STKLD1: variants seen among roughly 807,000 people sequenced by gnomAD.
STKLD1 encodes serine/threonine kinase-like domain-containing protein STKLD1.
In STKLD1, 79 loss-of-function variants were observed where a neutral mutation model predicts 80.4. That is an observed-to-expected ratio of 0.98 (90% confidence interval 0.82 to 1.19). The LOEUF (loss-of-function observed/expected upper bound fraction) is 1.19. Among genes scored for constraint, STKLD1 ranks in the 50% most tolerant of loss-of-function variants. STKLD1 has a pLI of 0.00. For synonymous variants in STKLD1, 393 were observed against 357.6 expected, an observed-to-expected ratio of 1.10 and a Z score of -1.12; for missense variants, 841 against 856.0, an observed-to-expected ratio of 0.98 and a Z score of 0.22.
chr9:133,387,930 C>T, intron 5 of STKLD1: 1 of 449,454 alleles, frequency 2.2e-6, no homozygotes, highest in Non-Finnish European at 4.5e-6. Context: ...CTGCTGCATG[C>T]ACCAGCAAAT....
intron 8 of STKLD1, 80 bp from the exon 9 acceptor site, chr9:133,395,520 C>A: frequency 6.8e-7 from 1 of 1,478,682 alleles, no homozygotes; most frequent in Non-Finnish European, 9.1e-7. Context: ...TTTCTTGGTC[C>A]CTGGTCGTCC....
intron 17 of STKLD1, 67 bp from the exon 18 acceptor site, chr9:133,405,185 T>C: frequency 6.6e-7 from 1 of 1,524,172 alleles, no homozygotes; most frequent in Non-Finnish European, 8.8e-7. Context: ...ACTCTCATCC[T>C]TCTGGGGCTT....
At position 133,401,188 on chromosome 9, in the gene STKLD1, G is replaced by A. The variant is rs587659852; in HGVS notation, c.1199-550G>A. Among the ~76,000 whole-genome samples, 74 of 148,138 alleles carry A rather than the reference G, an allele frequency of 5.0e-4. 1 individual carries two copies. Among genetic ancestry groups the A allele is most frequent in the Middle Eastern group, 6.9e-3 (2 of 288 alleles). ...ATGGAGTTTTGCTCGTCACCCAGGC[G>A]AGTGCAGTGGCGCACTCTCGGCTCA... On this transcript the variant is annotated intron_variant, in intron 12 of 17. Transcript: ENST00000371957.
chr9:133,401,295 C>T (rs1427348302), intron 12 of STKLD1, among the ~76,000 whole-genome samples: 8 of 152,180 alleles, frequency 5.3e-5, no homozygotes, highest in African/African-American at 1.4e-4. Context: ...CCCACCACCA[C>T]GCCTGGCTAA....
In STKLD1 at chr9:133,385,796, G is replaced by T. The variant is rs1044612965; in HGVS notation, c.294+105G>T. 2.5e-4 allele frequency: 264 copies of T among 1,048,824 alleles called. 2 individuals carry two copies. Among genetic ancestry groups the T allele is most frequent in the Admixed American group, 8.8e-4 (46 of 52,396 alleles). The allele number at this position is 1,048,824 out of a possible 1,614,324, so 65.0% of individuals were successfully genotyped here. On this transcript the variant is annotated intron_variant, in intron 4 of 17. Transcript: ENST00000371957. The surrounding 1 kb of genome is among the most constrained non-coding windows in gnomAD (Gnocchi z 4.9). ...CCACCCCCCACTGTCAGAATAGCTC[G>T]TGTGGCAATGGCAGTGACTGTAAAC...
rs1554777732 is a variant in STKLD1 at position 133,401,854 on chromosome 9, C to T, written c.1315C>T (p.Leu439=). 1 of 1,613,548 alleles carries T rather than the reference C, an allele frequency of 6.2e-7. No individual in the cohort carries two copies. The highest frequency in any genetic ancestry group is 1.6e-4 in the Middle Eastern group (1 of 6,062). Residue 439 remains leucine (L), a synonymous_variant, in exon 13 of 18, where the codon CTG becomes TTG. Coordinates refer to ENST00000371957, the MANE Select transcript of STKLD1 (RefSeq NM_153710.5). The stretch of plus-strand genomic sequence containing the variant: ...GCCACTTCTTGTCATGGTCTACAGC[C>T]TGCTAGCCATCACCACAACCCAGGG... ...EEPLLVMVYS[L]LAITTTQESE...
chr9:133,388,503 T>C (rs1046745093), intron 5 of STKLD1, among the ~76,000 whole-genome samples: 2 of 152,150 alleles, frequency 1.3e-5, no homozygotes, highest in Non-Finnish European at 2.9e-5. Context: ...CGCCTCGGCC[T>C]CCCAGAGTGC....
At position 133,384,152 on chromosome 9, in the gene STKLD1, T is replaced by C; in HGVS notation, c.219+252T>C. The C allele has an allele frequency of 2.1e-6, 1 of 481,650 alleles. No homozygotes were observed. Among genetic ancestry groups the C allele is most frequent in the Non-Finnish European group, 3.7e-6 (1 of 267,412 alleles). The allele number at this position is 481,650 out of a possible 1,614,324, so 29.8% of individuals were successfully genotyped here. A position where few individuals can be genotyped will look rare whatever the true frequency, so the allele number is the denominator to read the frequency against. ...GTTCCCAGAGAACATAAAATTTAAATATTGGGCTGGGCACGGTGGCTCACA... is the reference window on the plus strand; with the variant it reads ...GTTCCCAGAGAACATAAAATTTAAACATTGGGCTGGGCACGGTGGCTCACA... On this transcript the variant is annotated intron_variant, in intron 3 of 17. Coordinates refer to ENST00000371957, the MANE Select transcript of STKLD1 (RefSeq NM_153710.5). The surrounding 1 kb of genome is among the most constrained non-coding windows in gnomAD (Gnocchi z 4.3).
At chr9:133,396,101 T>C (rs913876500) in intron 9 of STKLD1, 5 of 186,998 alleles carry the variant, frequency 2.7e-5, no homozygotes, top group African/African-American at 1.2e-4. Flanking sequence ...CTTTAAATTT[T>C]TCATTCTAAC....
At position 133,394,416 on chromosome 9, in the gene STKLD1, C is replaced by T. The variant is rs190529608; in HGVS notation, c.702+7C>T. 19 of 1,595,342 alleles carry T rather than the reference C, an allele frequency of 1.2e-5. No homozygotes were observed. Among genetic ancestry groups the T allele is most frequent in the East Asian group, 1.1e-4 (5 of 44,764 alleles). ...CAGCTGCTCCTTCATGGATGTGAGCCGCCCTCCCTCCCCCACACCCCACAT... is the reference window on the plus strand; with the variant it reads ...CAGCTGCTCCTTCATGGATGTGAGCTGCCCTCCCTCCCCCACACCCCACAT... On this transcript the variant is annotated splice_region_variant and intron_variant, in intron 8 of 17. Transcript: ENST00000371957. This position sits in a 1 kb window ranked among gnomAD's most constrained non-coding sequence, Gnocchi z 4.9.
chr9:133,388,984 C>T, intron 5 of STKLD1: 2 of 985,456 alleles, frequency 2.0e-6, no homozygotes, highest in South Asian at 4.7e-5. Flanking sequence ...CCTGCCCCCT[C>T]AGCCCCTCTC....
Position 133,405,512 on chromosome 9 carries a change from C to A in STKLD1, c.*91C>A. On this transcript the variant is annotated 3_prime_UTR_variant, in exon 18 of 18. Transcript: ENST00000371957. ...TATTATCCCATCTCTATGACTGGGC[C>A]AAAATCAATCTTAAACGGGAGGGGT... 7.6e-7 allele frequency: 1 copy of A among 1,312,396 alleles called. No homozygotes were observed. The highest frequency in any genetic ancestry group is 1.0e-6 in the Non-Finnish European group (1 of 975,134). 81.3% of individuals were successfully genotyped at this position (1,312,396 alleles called of 1,614,324 possible).
chr9:133,401,649 T>C (rs141436650), intron 12 of STKLD1, 89 bp from the exon 13 acceptor site: 10 of 1,456,916 alleles, frequency 6.9e-6, no homozygotes, highest in Middle Eastern at 4.8e-4. Flanking sequence ...AAAGTGGAGA[T>C]GCTATCCCCC....
chr9:133,400,536 G>A lies in STKLD1; in HGVS notation c.1198+7G>A, dbSNP rs1554777454. 3 of 1,602,878 alleles carry A rather than the reference G, an allele frequency of 1.9e-6. No homozygotes were observed. Among genetic ancestry groups the A allele is most frequent in the African/African-American group, 1.3e-5 (1 of 74,656 alleles). ...CTGCACCTCCTGGGCCAAGGTGGGT[G>A]CCAAACCAGGCCAGATGGGGTCGGG... On this transcript the variant is annotated splice_region_variant and intron_variant, in intron 12 of 17. Transcript: ENST00000371957.
intron 5 of STKLD1, chr9:133,388,790 G>A: frequency 3.0e-6 from 3 of 985,404 alleles, no homozygotes; most frequent in Non-Finnish European, 3.6e-6. Flanking sequence ...TGTTTGGGGG[G>A]ACCATGTACC....
At position 133,390,295 on chromosome 9, in the gene STKLD1, C is replaced by T. The variant is rs1352898622; in HGVS notation, c.468-386C>T. 6.6e-6 allele frequency among the ~76,000 whole-genome samples: 1 copy of T among 151,162 alleles called. No individual in the cohort carries two copies. Among genetic ancestry groups the T allele is most frequent in the African/African-American group, 2.4e-5 (1 of 40,996 alleles). On this transcript the variant is annotated intron_variant, in intron 6 of 17. Transcript: ENST00000371957. The surrounding 1 kb of genome is among the most constrained non-coding windows in gnomAD (Gnocchi z 5.1). ...CAAAGGGAATGCTCACATTCCACAT[C>T]CAGTGTTCATGTCACTAGACGTCGC...
rs2130283307 is a variant in STKLD1, at chr9:133,389,054, C to T, written c.397-472C>T. 2.2e-5 allele frequency: 22 copies of T among 985,386 alleles called. No individual in the cohort carries two copies. In the South Asian group the frequency reaches 2.8e-4, roughly 13 times the overall value. The allele number at this position is 985,386 out of a possible 1,614,324, so 61.0% of individuals were successfully genotyped here. On this transcript the variant is annotated intron_variant, in intron 5 of 17. Coordinates refer to ENST00000371957, the MANE Select transcript of STKLD1 (RefSeq NM_153710.5). The surrounding 1 kb of genome is among the most constrained non-coding windows in gnomAD (Gnocchi z 6.4). ...TAGGAGCCCAGCTTTAGAATCACCGCGCTGGGTACTCGATGGAGCTTGTCT... is the reference window on the plus strand; with the variant it reads ...TAGGAGCCCAGCTTTAGAATCACCGTGCTGGGTACTCGATGGAGCTTGTCT...
chr9:133,389,510 C>G lies in STKLD1; in HGVS notation c.397-16C>G. 1 of 1,612,682 alleles carries G rather than the reference C, an allele frequency of 6.2e-7. No individual in the cohort carries two copies. The highest frequency in any genetic ancestry group is 2.2e-5 in the East Asian group (1 of 44,868). ...GGGTGCCCCTCCCATCCTGGCACCCCCTACTTCTCCCCCAGTGGATGCAGA... is the reference window on the plus strand; with the variant it reads ...GGGTGCCCCTCCCATCCTGGCACCCGCTACTTCTCCCCCAGTGGATGCAGA... On this transcript the variant is annotated splice_polypyrimidine_tract_variant and intron_variant, in intron 5 of 17. Transcript: ENST00000371957. This position sits in a 1 kb window ranked among gnomAD's most constrained non-coding sequence, Gnocchi z 6.4.
At chr9:133,401,625 G>A (rs955182340) in intron 12 of STKLD1, 113 bp from the exon 13 acceptor site, 79 of 1,335,340 alleles carry the variant, frequency 5.9e-5, no homozygotes, top group Middle Eastern at 2.6e-4. Flanking sequence ...GGCAGACCTC[G>A]GTTTCCTTCA....
Sources: gnomAD v4.1 joint callset for allele counts (sites outside exome capture counted in the v4.1 genomes callset) on GRCh38, gnomAD v4.1.1 for gene constraint, Gnocchi (gnomAD v3.1) non-coding constraint, MANE v1.5 for transcripts, NCBI Gene and HGNC (gene_info 2026-07-23, HGNC 2026-07-21) for gene names.